TMTC1: variants seen among roughly 807,000 people sequenced by gnomAD.
TMTC1 encodes the protein protein O-mannosyl-transferase TMTC1.
A neutral mutation model predicts 104.8 loss-of-function variants in TMTC1; 73 were observed. The ratio of observed to expected loss-of-function variants is 0.70; its 90% CI spans 0.58 to 0.85. TMTC1 has a LOEUF of 0.85. Among genes scored for constraint, TMTC1 ranks in the 40% least tolerant of loss-of-function variants. TMTC1 has a pLI of 0.00. For synonymous variants in TMTC1, 434 were observed against 428.7 expected, an observed-to-expected ratio of 1.01 and a Z score of -0.15; for missense variants, 1,035 against 1,096.1, an observed-to-expected ratio of 0.94 and a Z score of 0.79.
rs769870535 is a variant in TMTC1, at chr12:29,518,498, G to T, written c.1998C>A (p.Asn666Lys). The T allele has an allele frequency of 6.2e-7, 1 of 1,614,080 alleles. No homozygotes were observed. Among genetic ancestry groups the T allele is most frequent in the Non-Finnish European group, 8.5e-7 (1 of 1,179,958 alleles). ...LGRLYRSLGENSMAEEWYKRA... is the reference protein window; with the variant it reads ...LGRLYRSLGEKSMAEEWYKRA... ...GCTTGTACCATTCTTCAGCCATGCT[G>T]TTCTCTCCCAGTGACCTGTAGAGTC... The change falls in exon 13 of 18, where the codon AAC (asparagine) becomes AAA (lysine). Residue 666 changes from asparagine (N) to lysine (K), a missense_variant. Transcript: ENST00000539277.
intron 10 of TMTC1, among the ~76,000 whole-genome samples, chr12:29,545,676 C>G (rs1646824): frequency 0.066 from 9,144 of 137,732 alleles, 749 homozygotes; most frequent in African/African-American, 0.097. Flanking sequence ...CACACACACA[C>G]GGATAGAAAC....
At chr12:29,550,933 C>CAAAAAAAAAAAAAAAAAAA (rs200605964) in intron 10 of TMTC1, among the ~76,000 whole-genome samples, 1 of 108,332 alleles carries the variant, frequency 9.2e-6, no homozygotes, top group African/African-American at 4.0e-5. Flanking sequence ...GACTCCATCT[C>CAAAAAAAAAAAAAAAAAAA]AAAAAAAAAA....
chr12:29,627,477 T>C (rs1294437802), intron 6 of TMTC1, among the ~76,000 whole-genome samples: 1 of 152,182 alleles, frequency 6.6e-6, no homozygotes, highest in Admixed American at 6.5e-5. Flanking sequence ...TTGGTTGGGA[T>C]GTAGAGAAAT....
chr12:29,701,434 C>T (rs1402683055), intron 5 of TMTC1, among the ~76,000 whole-genome samples: 1 of 152,180 alleles, frequency 6.6e-6, no homozygotes, highest in Non-Finnish European at 1.5e-5. Flanking sequence ...GAAATTTTGG[C>T]TCCTGGACTC....
At chr12:29,598,345 A>G (rs1322482451) in intron 7 of TMTC1, among the ~76,000 whole-genome samples, 4 of 152,238 alleles carry the variant, frequency 2.6e-5, no homozygotes, top group Non-Finnish European at 5.9e-5. Context: ...CTCCTTTTGC[A>G]TTCTGAGAAA....
intron 5 of TMTC1, among the ~76,000 whole-genome samples, chr12:29,671,004 A>G (rs1457845492): frequency 6.8e-6 from 1 of 147,634 alleles, no homozygotes; most frequent in Admixed American, 6.9e-5. Context: ...AGAAATTATC[A>G]AAAAGTCAGC....
At chr12:29,693,103 A>G (rs1941312131) in intron 5 of TMTC1, among the ~76,000 whole-genome samples, 1 of 144,976 alleles carries the variant, frequency 6.9e-6, no homozygotes. Flanking sequence ...GAAAATGTTT[A>G]AAGTGTTTTC....
chr12:29,520,993 T>C (rs1021061832), intron 11 of TMTC1: 3 of 278,794 alleles, frequency 1.1e-5, no homozygotes, highest in African/African-American at 4.4e-5. Flanking sequence ...GATATGGACC[T>C]GTACAACATG....
At chr12:29,562,815 C>T (rs1426580627) in intron 9 of TMTC1, among the ~76,000 whole-genome samples, 2 of 152,168 alleles carry the variant, frequency 1.3e-5, no homozygotes, top group Admixed American at 6.5e-5. Flanking sequence ...ACACTACATA[C>T]ATTTAATATT....
chr12:29,505,148 G>A lies in TMTC1; in HGVS notation c.*1698C>T, dbSNP rs1943670663. ...TCCCTTCGCCATGCCTTCCGAAGAA[G>A]TTTTTCTTGTTTATTTAGACTTACC... On this transcript the variant is annotated 3_prime_UTR_variant, in exon 18 of 18. Transcript: ENST00000539277. 6.6e-6 allele frequency: 1 copy of A among 152,128 alleles called. No individual in the cohort carries two copies. Among genetic ancestry groups the A allele is most frequent in the Admixed American group, 6.5e-5 (1 of 15,270 alleles). The allele number at this position is 152,128 out of a possible 1,614,324, so 9.4% of individuals were successfully genotyped here. A position where few individuals can be genotyped will look rare whatever the true frequency, so the allele number is the denominator to read the frequency against.
In TMTC1 at chr12:29,621,095, T is replaced by C. The variant is rs548566544; in HGVS notation, c.1128+12052A>G. 1.9e-4 allele frequency among the ~76,000 whole-genome samples: 29 copies of C among 152,292 alleles called. No homozygotes were observed. The South Asian group carries it at 5.8e-3, about 30-fold the overall frequency. On this transcript the variant is annotated intron_variant, in intron 6 of 17. Coordinates refer to ENST00000539277, the MANE Select transcript of TMTC1 (RefSeq NM_001193451.2). ...GAGGTTACAAAAAGAATAGAGAATG[T>C]GCTGTTTGCAAAGAATGGGAACTGA...
chr12:29,545,397 T>C (rs299461), intron 10 of TMTC1, among the ~76,000 whole-genome samples: 152,268 of 152,282 alleles, frequency 1, 76,127 homozygotes, highest in Non-Finnish European at 1. Flanking sequence ...CCCAGCATTT[T>C]GGGAGGCTGA....
chr12:29,771,489 T>TA (rs1943592415), intron 1 of TMTC1, among the ~76,000 whole-genome samples: 2 of 152,176 alleles, frequency 1.3e-5, no homozygotes, highest in African/African-American at 4.8e-5. Flanking sequence ...ATTAAGCACA[T>TA]ACTACATGTC....
At position 29,504,474 on chromosome 12, in the gene TMTC1, G is replaced by A. The variant is rs1385572333; in HGVS notation, c.*2372C>T. 1 of 152,036 alleles carries A rather than the reference G, an allele frequency of 6.6e-6. No homozygotes were observed. Among genetic ancestry groups the A allele is most frequent in the African/African-American group, 2.4e-5 (1 of 41,356 alleles). 9.4% of individuals were successfully genotyped at this position (152,036 alleles called of 1,614,324 possible). A position where few individuals can be genotyped will look rare whatever the true frequency, so the allele number is the denominator to read the frequency against. On this transcript the variant is annotated 3_prime_UTR_variant, in exon 18 of 18. Coordinates refer to ENST00000539277, the MANE Select transcript of TMTC1 (RefSeq NM_001193451.2). ...ACATCTCAGTGAAGGTATTCACTTG[G>A]GATAAAAGTATCTGATCCAACAAAT...
At chr12:29,737,461 C>T (rs1194499919) in intron 5 of TMTC1, among the ~76,000 whole-genome samples, 4 of 152,080 alleles carry the variant, frequency 2.6e-5, no homozygotes, top group African/African-American at 7.2e-5. Context: ...TTGCGGTGAG[C>T]CCAGATCGCG....
chr12:29,695,006 A>G (rs1197946726), intron 5 of TMTC1, among the ~76,000 whole-genome samples: 2 of 152,168 alleles, frequency 1.3e-5, no homozygotes, highest in African/African-American at 4.8e-5. Flanking sequence ...TTTGGAGACC[A>G]GAAGTTCAAT....
intron 5 of TMTC1, among the ~76,000 whole-genome samples, chr12:29,674,746 G>A (rs1455745872): frequency 3.9e-5 from 6 of 152,240 alleles, no homozygotes; most frequent in Non-Finnish European, 8.8e-5. Flanking sequence ...CCGTAAAGAA[G>A]GGGGGGCCTT....
Position 29,504,308 on chromosome 12 carries a change from T to C in TMTC1, c.*2538A>G, listed in dbSNP as rs1358776854. On this transcript the variant is annotated 3_prime_UTR_variant, in exon 18 of 18. Coordinates refer to ENST00000539277, the MANE Select transcript of TMTC1 (RefSeq NM_001193451.2). ...GAACCAGGGCACTCCATTTTTATTA[T>C]AAAGGTAAGTTCCATGTATTATTTC... 1 of 151,396 alleles carries C rather than the reference T, an allele frequency of 6.6e-6. No individual in the cohort carries two copies. Among genetic ancestry groups the C allele is most frequent in the Non-Finnish European group, 1.5e-5 (1 of 67,908 alleles). 9.4% of individuals were successfully genotyped at this position (151,396 alleles called of 1,614,324 possible).
chr12:29,655,835 A>G (rs1011375650), intron 5 of TMTC1, among the ~76,000 whole-genome samples: 2 of 152,250 alleles, frequency 1.3e-5, no homozygotes, highest in African/African-American at 4.8e-5. Context: ...ATTAATAACC[A>G]TAACAGCTAC....
Sources: gnomAD v4.1 joint callset for allele counts (sites outside exome capture counted in the v4.1 genomes callset) on GRCh38, gnomAD v4.1.1 for gene constraint, MANE v1.5 for transcripts, NCBI Gene and HGNC (gene_info 2026-07-23, HGNC 2026-07-21) for gene names.